DNAJC10: variants seen among roughly 807,000 people sequenced by gnomAD.
The protein encoded by DNAJC10 is endoplasmic reticulum disulfide reductase DNAJC10.
DNAJC10 carries 101 observed loss-of-function variants against 115.0 expected under a neutral mutation model. The ratio of observed to expected loss-of-function variants is 0.88; its 90% CI spans 0.75 to 1.04. The LOEUF is 1.04. Among genes scored for constraint, DNAJC10 ranks in the 50% least tolerant of loss-of-function variants. The pLI, the probability that DNAJC10 is intolerant of heterozygous loss-of-function variation, is 0.00. For missense variants in DNAJC10, 981 were observed against 928.8 expected, an observed-to-expected ratio of 1.06 and a Z score of -0.73; for synonymous variants, 307 against 301.5, an observed-to-expected ratio of 1.02 and a Z score of -0.19.
intron 19 of DNAJC10, among the ~76,000 whole-genome samples, chr2:182,758,522 A>G (rs1020778643): frequency 1.3e-5 from 2 of 152,190 alleles, no homozygotes; most frequent in African/African-American, 4.8e-5. Flanking sequence ...ACAGACAGTA[A>G]TAACTTGAAT....
Position 182,788,961 on chromosome 2 carries a change from A to AC in DNAJC10, c.*11830dup. The AC allele has an allele frequency of 2.6e-6, 1 of 379,592 alleles. No individual in the cohort carries two copies. Among genetic ancestry groups the AC allele is most frequent in the Non-Finnish European group, 5.1e-6 (1 of 197,446 alleles). The allele number at this position is 379,592 out of a possible 1,614,324, so 23.5% of individuals were successfully genotyped here. A position where few individuals can be genotyped will look rare whatever the true frequency, so the allele number is the denominator to read the frequency against. On this transcript the variant is annotated 3_prime_UTR_variant, in exon 24 of 24. Transcript: ENST00000264065. ...TTTATTAATCATTTTAAAGTAGCAT[A>AC]CAGTTCAGTAGTGTTAAGTAATTTC...
At position 182,779,863 on chromosome 2, in the gene DNAJC10, G is replaced by A. The variant is rs148261139; in HGVS notation, c.*2731G>A. 1.2e-4 allele frequency: 18 copies of A among 152,194 alleles called. No individual in the cohort carries two copies. The East Asian group carries it at 3.3e-3, about 28-fold the overall frequency. The allele number at this position is 152,194 out of a possible 1,614,324, so 9.4% of individuals were successfully genotyped here. On this transcript the variant is annotated 3_prime_UTR_variant, in exon 24 of 24. Transcript: ENST00000264065. The stretch of plus-strand genomic sequence containing the variant: ...GATGTTTAGTACGATAAAATTTTTA[G>A]TAAAAGGGTAGCACTTTTAAGTCAT...
Position 182,752,168 on chromosome 2 carries a change from C to G in DNAJC10, c.1531C>G (p.His511Asp). The stretch of plus-strand genomic sequence containing the variant: ...GTTTGGTACACTAGATTGTACAGTT[C>G]ATGAGGGACTCTGTAACATGGTAAG... ...LKFGTLDCTV[H>D]EGLCNMYNIQ... Residue 511 changes from histidine (H) to aspartate (D), a missense_variant, in exon 16 of 24, where the codon CAT becomes GAT. By Grantham distance (81) the His-to-Asp change is moderately conservative (BLOSUM62 -1). Transcript: ENST00000264065. 1 of 1,572,088 alleles carries G rather than the reference C, an allele frequency of 6.4e-7. No individual in the cohort carries two copies.
rs1694857526 is a variant in DNAJC10, at chr2:182,781,961, A to G, written c.*4829A>G. 1 of 152,066 alleles carries G rather than the reference A, an allele frequency of 6.6e-6. No individual in the cohort carries two copies. Among genetic ancestry groups the G allele is most frequent in the Non-Finnish European group, 1.5e-5 (1 of 68,018 alleles). The allele number at this position is 152,066 out of a possible 1,614,324, so 9.4% of individuals were successfully genotyped here. ...TGCAGAAGCTCTTTAATTAGATCCCATTTATCTGTTTTGGCTTTTATTGCC... is the reference window on the plus strand; with the variant it reads ...TGCAGAAGCTCTTTAATTAGATCCCGTTTATCTGTTTTGGCTTTTATTGCC... On this transcript the variant is annotated 3_prime_UTR_variant, in exon 24 of 24. Coordinates refer to ENST00000264065, the MANE Select transcript of DNAJC10 (RefSeq NM_018981.4).
chr2:182,767,548 G>C (rs1694445336), intron 22 of DNAJC10, among the ~76,000 whole-genome samples: 1 of 152,052 alleles, frequency 6.6e-6, no homozygotes, highest in Non-Finnish European at 1.5e-5. Flanking sequence ...AAATTGATGA[G>C]CTCTCCTCCT....
At chr2:182,730,025 G>A in intron 8 of DNAJC10, 84 bp downstream of exon 8, 1 of 863,792 alleles carries the variant, frequency 1.2e-6, no homozygotes, top group Non-Finnish European at 1.8e-6. Context: ...TAACATTTTG[G>A]TCATGGTATT....
At chr2:182,746,924 G>T (rs944565270) in intron 14 of DNAJC10, among the ~76,000 whole-genome samples, 2 of 151,622 alleles carry the variant, frequency 1.3e-5, no homozygotes, top group African/African-American at 4.8e-5. Flanking sequence ...GTAAGGAAGG[G>T]ATCCAGTTTC....
chr2:182,755,024 A>G lies in DNAJC10; in HGVS notation c.1573A>G (p.Thr525Ala), dbSNP rs771032289. Residue 525 changes from threonine to alanine, a missense_variant, in exon 17 of 24, where the codon ACA becomes GCA. Physicochemically the swap from Thr to Ala is moderately conservative, Grantham distance 58. Coordinates refer to ENST00000264065, the MANE Select transcript of DNAJC10 (RefSeq NM_018981.4). The part of the protein sequence containing the change: ...CNMYNIQAYP[T>A]TVVFNQSNIH... ...TCAGTATAACATTCAGGCTTATCCA[A>G]CAACAGTGGTATTCAACCAGTCCAA... The G allele has an allele frequency of 6.2e-7, 1 of 1,604,776 alleles. No individual in the cohort carries two copies. The highest frequency in any genetic ancestry group is 1.1e-5 in the South Asian group (1 of 90,856).
intron 18 of DNAJC10, among the ~76,000 whole-genome samples, chr2:182,757,128 A>G (rs1249413799): frequency 6.6e-6 from 1 of 152,228 alleles, no homozygotes; most frequent in African/African-American, 2.4e-5. Flanking sequence ...TTTCCTGAAA[A>G]TAGGCACCAT....
intron 22 of DNAJC10, among the ~76,000 whole-genome samples, chr2:182,770,811 C>T (rs1286477751): frequency 6.6e-6 from 1 of 152,100 alleles, no homozygotes; most frequent in Non-Finnish European, 1.5e-5. Flanking sequence ...CTTTTTCTTG[C>T]CTAATTGCCC....
At chr2:182,759,427 T>C (rs1694237596) in intron 21 of DNAJC10, 120 bp downstream of exon 21, 2 of 931,186 alleles carry the variant, frequency 2.1e-6, no homozygotes, top group Admixed American at 3.1e-5. Flanking sequence ...AATTTAAAAA[T>C]AGCTATTATA....
chr2:182,738,692 C>T (rs759305787), intron 11 of DNAJC10, among the ~76,000 whole-genome samples: 20 of 152,128 alleles, frequency 1.3e-4, no homozygotes, highest in Non-Finnish European at 2.1e-4. Context: ...AGGTGCACGC[C>T]GCCACACCCA....
intron 23 of DNAJC10, among the ~76,000 whole-genome samples, chr2:182,776,431 G>A (rs1176488530): frequency 1.3e-5 from 2 of 152,094 alleles, no homozygotes; most frequent in Non-Finnish European, 2.9e-5. Context: ...CTTAAAAACA[G>A]AACAAAGAGT....
intron 14 of DNAJC10, 46 bp downstream of exon 14, chr2:182,743,758 A>T: frequency 7.5e-7 from 1 of 1,331,808 alleles, no homozygotes; most frequent in Non-Finnish European, 1.1e-6. Flanking sequence ...CTTCATTTTC[A>T]AATAGAAGTT....
chr2:182,756,967 C>A (rs1307537865), intron 18 of DNAJC10, among the ~76,000 whole-genome samples: 4 of 152,040 alleles, frequency 2.6e-5, no homozygotes, highest in African/African-American at 9.7e-5. Flanking sequence ...AAACTGTTGC[C>A]AACAACAACC....
intron 12 of DNAJC10, 149 bp downstream of exon 12, chr2:182,740,537 T>A: frequency 1.4e-6 from 1 of 714,110 alleles, no homozygotes; most frequent in Non-Finnish European, 2.1e-6. Flanking sequence ...AATTGTAGGT[T>A]AAATTCTAAT....
At chr2:182,730,115 T>C (rs1025980482) in intron 8 of DNAJC10, among the ~76,000 whole-genome samples, 174 bp downstream of exon 8, 3 of 152,166 alleles carry the variant, frequency 2.0e-5, no homozygotes, top group Admixed American at 6.5e-5. Context: ...TTTAACAAAC[T>C]AGTTAAATTT....
At chr2:182,732,374 C>A in intron 9 of DNAJC10, 125 bp from the exon 10 acceptor site, 1 of 832,234 alleles carries the variant, frequency 1.2e-6, no homozygotes, top group Non-Finnish European at 2.1e-6. Flanking sequence ...CCATATCTAT[C>A]AATAGAGTCC....
chr2:182,773,291 G>A (rs1296829039), intron 22 of DNAJC10, among the ~76,000 whole-genome samples: 1 of 152,070 alleles, frequency 6.6e-6, no homozygotes, highest in African/African-American at 2.4e-5. Context: ...AACCTTGGTG[G>A]ATCTGACAAT....
Sources: gnomAD v4.1 joint callset for allele counts (sites outside exome capture counted in the v4.1 genomes callset) on GRCh38, gnomAD v4.1.1 for gene constraint, MANE v1.5 for transcripts, NCBI Gene and HGNC (gene_info 2026-07-23, HGNC 2026-07-21) for gene names.